The following GABRB3 variants were observed in gnomAD, a reference collection of about 807,000 sequenced individuals.
GABRB3 encodes the protein gamma-aminobutyric acid receptor subunit beta-3.
Under a neutral mutation model 52.1 loss-of-function variants are expected in GABRB3, and 14 were observed. The observed-to-expected ratio is 0.27, with a 90% confidence interval of 0.18 to 0.42. The LOEUF is 0.42. Among genes scored for constraint, GABRB3 ranks in the 10% least tolerant of loss-of-function variants. The probability of loss-of-function intolerance (pLI) is 1.00; values close to 1 mark genes in which losing one functional copy is unlikely to be tolerated. For missense variants in GABRB3, 307 were observed against 609.1 expected, an observed-to-expected ratio of 0.50 and a Z score of 5.22; for synonymous variants, 260 against 232.3, an observed-to-expected ratio of 1.12 and a Z score of -1.08.
At chr15:26,690,496 T>C (rs938761955) in intron 3 of GABRB3, among the ~76,000 whole-genome samples, 2 of 152,034 alleles carry the variant, frequency 1.3e-5, no homozygotes, top group Non-Finnish European at 2.9e-5. Context: ...ATAAGATTAA[T>C]CCTGAGCCAA....
chr15:26,581,182 C>T (rs1326060280), intron 5 of GABRB3: 1 of 157,776 alleles, frequency 6.3e-6, no homozygotes, highest in East Asian at 1.8e-4. Context: ...GCAATAGGTG[C>T]ATTCTTACTT....
chr15:26,601,577 A>G lies in GABRB3; in HGVS notation c.462-18163T>C, dbSNP rs77169701. ...TTACCTATCAATAATTACCTCAAAT[A>G]TAAATGGATTAACTATTCAAAAAAA... is the stretch of plus-strand genomic sequence containing the variant. On this transcript the variant is annotated intron_variant, in intron 4 of 8. Transcript: ENST00000311550. 2.0e-3 allele frequency among the ~76,000 whole-genome samples: 297 copies of G among 152,288 alleles called. 6 individuals are homozygous for G. In the East Asian group the frequency reaches 0.036, roughly 19 times the overall value.
intron 6 of GABRB3, among the ~76,000 whole-genome samples, chr15:26,578,789 T>A (rs2140726579): frequency 6.6e-6 from 1 of 152,354 alleles, no homozygotes; most frequent in Non-Finnish European, 1.5e-5. Flanking sequence ...CTCCTACCAC[T>A]CAGGGCATGG....
chr15:26,563,242 C>T (rs1374999868), intron 7 of GABRB3, among the ~76,000 whole-genome samples: 1 of 152,196 alleles, frequency 6.6e-6, no homozygotes, highest in African/African-American at 2.4e-5. Context: ...ACAGCCAGCA[C>T]ATCTCACAGG....
intron 3 of GABRB3, among the ~76,000 whole-genome samples, chr15:26,766,844 A>G (rs1891010821): frequency 6.6e-6 from 1 of 152,212 alleles, no homozygotes; most frequent in Admixed American, 6.5e-5. Flanking sequence ...CACGGGCTCA[A>G]GCAAGAGGCC....
At chr15:26,726,936 G>A (rs1052474309) in intron 3 of GABRB3, among the ~76,000 whole-genome samples, 12 of 152,254 alleles carry the variant, frequency 7.9e-5, no homozygotes, top group South Asian at 2.1e-4. Context: ...CGAGGCAGGC[G>A]GATCATGAGG....
At chr15:26,703,591 A>G (rs1367007604) in intron 3 of GABRB3, among the ~76,000 whole-genome samples, 1 of 152,218 alleles carries the variant, frequency 6.6e-6, no homozygotes, top group African/African-American at 2.4e-5. Context: ...CAAACATTGC[A>G]TGAGTGACAT....
intron 3 of GABRB3, among the ~76,000 whole-genome samples, chr15:26,661,454 C>T (rs1422392458): frequency 1.3e-5 from 2 of 152,116 alleles, no homozygotes; most frequent in East Asian, 3.9e-4. Flanking sequence ...TTCTGAGCAC[C>T]TGTATGCAAG....
chr15:26,588,564 C>T (rs1451011832), intron 4 of GABRB3, among the ~76,000 whole-genome samples: 1 of 152,008 alleles, frequency 6.6e-6, no homozygotes, highest in African/African-American at 2.4e-5. Context: ...CCTCTTTTAC[C>T]TTAAACATAC....
At chr15:26,561,424 A>AC (rs1263065060) in intron 7 of GABRB3, among the ~76,000 whole-genome samples, 4 of 59,718 alleles carry the variant, frequency 6.7e-5, no homozygotes, top group African/African-American at 1.2e-4. Flanking sequence ...TCCCCCACCC[A>AC]CCCCCCTGCC....
intron 6 of GABRB3, 149 bp downstream of exon 6, chr15:26,580,170 G>A: frequency 1.1e-6 from 1 of 935,074 alleles, no homozygotes; most frequent in Non-Finnish European, 1.7e-6. Context: ...TTTAGATACA[G>A]AGAGGAGGGG....
At chr15:26,602,260 AC>A (rs1363721946) in intron 4 of GABRB3, among the ~76,000 whole-genome samples, 1 of 152,188 alleles carries the variant, frequency 6.6e-6, no homozygotes, top group Non-Finnish European at 1.5e-5. Flanking sequence ...AGATGCATAA[AC>A]AAATATTATA....
At chr15:26,616,160 C>T (rs553449412) in intron 4 of GABRB3, 40 of 1,109,158 alleles carry the variant, frequency 3.6e-5, no homozygotes, top group African/African-American at 2.7e-4. Context: ...TAAAAAGACA[C>T]GGGAGGGAAG....
At chr15:26,613,481 TACATC>T in intron 4 of GABRB3, 1 of 152,166 alleles carries the variant, frequency 6.6e-6, no homozygotes, top group African/African-American at 2.4e-5. Flanking sequence ...TGTGGATAGC[TACATC>T]ACATCCTACA....
intron 8 of GABRB3, among the ~76,000 whole-genome samples, chr15:26,559,114 C>T (rs1363063469): frequency 6.6e-6 from 1 of 152,202 alleles, no homozygotes; most frequent in African/African-American, 2.4e-5. Flanking sequence ...CCAGGCCCCA[C>T]CTCCAACACT....
chr15:26,642,185 G>A (rs1893220536), intron 3 of GABRB3, among the ~76,000 whole-genome samples: 1 of 152,114 alleles, frequency 6.6e-6, no homozygotes, highest in African/African-American at 2.4e-5. Context: ...AAGCCACCAA[G>A]CCTTCCCCCC....
rs1890226806 is a variant in GABRB3 at position 26,567,581 on chromosome 15, C to T, written c.835G>A (p.Gly279Arg). The change falls in exon 7 of 9, where the codon GGG (glycine) becomes AGG (arginine). Residue 279 changes from glycine (G) to arginine (R), a missense_variant and splice_region_variant. Transcript: ENST00000311550. ...YDASAARVAL[G>R]ITTVLTMTTI... Reference sequence around the variant, plus strand: ...AATATCACTTAAAAATAGCACATACCGAGGGCAACTCTAGCAGCAGATGCA... The same window carrying T: ...AATATCACTTAAAAATAGCACATACTGAGGGCAACTCTAGCAGCAGATGCA... 2 of 1,613,390 alleles carry T rather than the reference C, an allele frequency of 1.2e-6. No individual in the cohort carries two copies. Among genetic ancestry groups the T allele is most frequent in the Non-Finnish European group, 1.7e-6 (2 of 1,179,912 alleles).
At chr15:26,741,803 T>A (rs192636728) in intron 3 of GABRB3, among the ~76,000 whole-genome samples, 8 of 152,032 alleles carry the variant, frequency 5.3e-5, no homozygotes, top group African/African-American at 1.9e-4. Flanking sequence ...GAGATGGGGG[T>A]CTCGCTATGT....
intron 3 of GABRB3, among the ~76,000 whole-genome samples, chr15:26,684,634 T>C (rs943834813): frequency 2.0e-4 from 31 of 152,102 alleles, no homozygotes; most frequent in Admixed American, 1.8e-3. Context: ...TTACAGGCCA[T>C]GGTAGGGTTA....
Sources: gnomAD v4.1 joint callset for allele counts (sites outside exome capture counted in the v4.1 genomes callset) on GRCh38, gnomAD v4.1.1 for gene constraint, MANE v1.5 for transcripts, NCBI Gene and HGNC (gene_info 2026-07-23, HGNC 2026-07-21) for gene names.